TIAM1: variants seen among roughly 807,000 people sequenced by gnomAD.
TIAM1 encodes rho guanine nucleotide exchange factor TIAM1.
Under a neutral mutation model 163.5 loss-of-function variants are expected in TIAM1, and 65 were observed. The ratio of observed to expected loss-of-function variants is 0.40; its 90% CI spans 0.33 to 0.49. The LOEUF (loss-of-function observed/expected upper bound fraction) is 0.49. Ranked by LOEUF, TIAM1 falls within the 20% of genes least tolerant of loss-of-function variation. The pLI is 0.77. For missense variants in TIAM1, 1,789 were observed against 2,044.7 expected (o/e 0.87, Z 2.41); for synonymous variants, 833 against 810.1 (o/e 1.03, Z -0.48).
chr21:31,487,643 C>T (rs1253350844), intron 1 of TIAM1, among the ~76,000 whole-genome samples: 11 of 151,278 alleles, frequency 7.3e-5, no homozygotes, highest in African/African-American at 1.9e-4. Flanking sequence ...CTGCAAGCTC[C>T]GCTTCCCGGG....
chr21:31,413,634 C>T (rs777280659), intron 2 of TIAM1, among the ~76,000 whole-genome samples: 3 of 152,104 alleles, frequency 2.0e-5, no homozygotes, highest in Non-Finnish European at 2.9e-5. Flanking sequence ...TTGTCCCCTG[C>T]GAAAGGAATA....
intron 1 of TIAM1, among the ~76,000 whole-genome samples, chr21:31,556,940 T>G (rs2048901111): frequency 6.6e-6 from 1 of 152,202 alleles, no homozygotes; most frequent in Admixed American, 6.5e-5. Context: ...AGGCATAGCT[T>G]AAATTTCATC....
At chr21:31,229,853 A>G (rs796377490) in intron 6 of TIAM1, among the ~76,000 whole-genome samples, 9 of 152,274 alleles carry the variant, frequency 5.9e-5, no homozygotes, top group African/African-American at 2.2e-4. Flanking sequence ...AGGTTTCTCC[A>G]TGTTGGCCAG....
At chr21:31,177,463 C>T (rs568098007) in intron 15 of TIAM1, among the ~76,000 whole-genome samples, 2 of 152,242 alleles carry the variant, frequency 1.3e-5, no homozygotes, top group South Asian at 2.1e-4. Flanking sequence ...AAAATTTAGC[C>T]GGGCGTGGTG....
chr21:31,451,892 G>A (rs146479200), intron 2 of TIAM1, among the ~76,000 whole-genome samples: 57 of 152,210 alleles, frequency 3.7e-4, no homozygotes, highest in African/African-American at 1.3e-3. Context: ...CAAGGATACT[G>A]AAAATGACAA....
At chr21:31,548,527 C>T in intron 1 of TIAM1, among the ~76,000 whole-genome samples, 1 of 148,252 alleles carries the variant, frequency 6.7e-6, no homozygotes, top group African/African-American at 2.5e-5. Context: ...CTCGTTCTGT[C>T]ACTCAGGCTG....
intron 2 of TIAM1, chr21:31,463,883 C>T (rs1041673502): frequency 6.6e-6 from 1 of 151,076 alleles, no homozygotes; most frequent in African/African-American, 2.4e-5. Context: ...AGATAATAGA[C>T]AAATAAGTGA....
At chr21:31,283,724 T>C (rs1390409692) in intron 2 of TIAM1, among the ~76,000 whole-genome samples, 2 of 152,088 alleles carry the variant, frequency 1.3e-5, no homozygotes, top group Admixed American at 6.6e-5. Flanking sequence ...GTATTTTTAG[T>C]AGAAACGGAG....
chr21:31,456,081 G>A (rs143300891), intron 2 of TIAM1, among the ~76,000 whole-genome samples: 39 of 152,270 alleles, frequency 2.6e-4, no homozygotes, highest in African/African-American at 9.4e-4. Flanking sequence ...AGAATTCCAG[G>A]GTAGCAGAAC....
chr21:31,209,536 C>T (rs2086619272), intron 11 of TIAM1, among the ~76,000 whole-genome samples: 1 of 152,188 alleles, frequency 6.6e-6, no homozygotes, highest in Non-Finnish European at 1.5e-5. Context: ...CTTATATTTC[C>T]TTCCATTTTC....
At position 31,359,613 on chromosome 21, in the gene TIAM1, T is replaced by A. The variant is rs1196121543; in HGVS notation, c.-368-20191A>T. Among the ~76,000 whole-genome samples, 3 of 151,774 alleles carry A rather than the reference T, an allele frequency of 2.0e-5. No homozygotes were observed. In the East Asian group the frequency reaches 5.8e-4, roughly 29 times the overall value. On this transcript the variant is annotated intron_variant, in intron 2 of 28. Coordinates refer to the TIAM1 transcript ENST00000286827. The stretch of plus-strand genomic sequence containing the variant: ...TTTGAGACCAGCCAACATAGTGAAA[T>A]CCTGTCTCTACTAAAAATACAAAAA...
intron 2 of TIAM1, among the ~76,000 whole-genome samples, chr21:31,331,494 A>G (rs891354793): frequency 6.6e-6 from 1 of 152,150 alleles, no homozygotes; most frequent in Middle Eastern, 3.2e-3. Context: ...CTTCTCAACT[A>G]TCTCTAAAAT....
chr21:31,215,885 G>T (rs2087174585), intron 9 of TIAM1, among the ~76,000 whole-genome samples: 1 of 152,150 alleles, frequency 6.6e-6, no homozygotes, highest in African/African-American at 2.4e-5. Flanking sequence ...TATCAGCCAG[G>T]CACGGTGGCC....
intron 2 of TIAM1, among the ~76,000 whole-genome samples, chr21:31,381,918 A>G (rs2076785312): frequency 6.6e-6 from 1 of 152,162 alleles, no homozygotes; most frequent in Admixed American, 6.5e-5. Context: ...CTGTCTTCAA[A>G]CCAGGAACCC....
chr21:31,459,345 C>A (rs2045238095), intron 2 of TIAM1, among the ~76,000 whole-genome samples: 1 of 152,102 alleles, frequency 6.6e-6, no homozygotes, highest in African/African-American at 2.4e-5. Flanking sequence ...CTTCTGGATG[C>A]AAACTATTCA....
chr21:31,299,571 G>A (rs936225248), intron 2 of TIAM1, among the ~76,000 whole-genome samples: 1 of 152,196 alleles, frequency 6.6e-6, no homozygotes, highest in African/African-American at 2.4e-5. Context: ...AACAGGTCTT[G>A]AGCAACTGTG....
At chr21:31,188,188 T>C (rs957022560) in intron 13 of TIAM1, among the ~76,000 whole-genome samples, 1 of 152,158 alleles carries the variant, frequency 6.6e-6, no homozygotes, top group South Asian at 2.1e-4. Flanking sequence ...TAACCTCACA[T>C]AGGCAAAAAG....
intron 17 of TIAM1, among the ~76,000 whole-genome samples, chr21:31,153,950 G>T (rs1441928653): frequency 6.6e-6 from 1 of 152,106 alleles, no homozygotes; most frequent in Non-Finnish European, 1.5e-5. Flanking sequence ...TGTGGTCCCA[G>T]CTACTCAGGA....
At chr21:31,518,296 T>G (rs559217821) in intron 1 of TIAM1, among the ~76,000 whole-genome samples, 6 of 150,534 alleles carry the variant, frequency 4.0e-5, no homozygotes, top group East Asian at 3.9e-4. Context: ...TTTTTTGGGG[T>G]TTTTTTTTGA....
Sources: allele counts gnomAD v4.1 joint callset (sites outside exome capture counted in the v4.1 genomes callset), GRCh38; gene constraint gnomAD v4.1.1; transcripts MANE v1.5; gene names NCBI Gene and HGNC (gene_info 2026-07-23, HGNC 2026-07-21).